TPRG1: variants seen among roughly 807,000 people sequenced by gnomAD.
The protein encoded by TPRG1 is tumor protein p63 regulated 1.
Under a neutral mutation model 29.3 loss-of-function variants are expected in TPRG1, and 29 were observed. That is an observed-to-expected ratio of 0.99 (90% CI 0.74 to 1.35). The LOEUF (loss-of-function observed/expected upper bound fraction) is 1.35. Among genes scored for constraint, TPRG1 ranks in the 40% most tolerant of loss-of-function variants. TPRG1 has a pLI of 0.00. For missense variants in TPRG1, 327 were observed against 335.0 expected (o/e 0.98, Z 0.19); for synonymous variants, 130 against 116.8 (o/e 1.11, Z -0.73).
intron 2 of TPRG1, among the ~76,000 whole-genome samples, chr3:189,212,614 T>C (rs1470679): frequency 0.68 from 102,483 of 151,804 alleles, 36,031 homozygotes; most frequent in African/African-American, 0.89. Flanking sequence ...CAATGAGATA[T>C]GATATATTCC....
chr3:189,072,065 T>C (rs1283764721), intron 4 of TPRG1, among the ~76,000 whole-genome samples: 1 of 152,182 alleles, frequency 6.6e-6, no homozygotes, highest in African/African-American at 2.4e-5. Context: ...CAGGCTGACT[T>C]GATAGTGATG....
At chr3:189,155,872 TTTAG>T (rs1726602157) in intron 5 of TPRG1, among the ~76,000 whole-genome samples, 1 of 152,180 alleles carries the variant, frequency 6.6e-6, no homozygotes, top group East Asian at 1.9e-4. Flanking sequence ...AGTACAAAGT[TTTAG>T]TTATGCAGGA....
chr3:189,203,095 A>G (rs534685218), intron 1 of TPRG1, among the ~76,000 whole-genome samples: 1 of 152,300 alleles, frequency 6.6e-6, no homozygotes, highest in East Asian at 1.9e-4. Context: ...ACTAAACAAT[A>G]ACTTTTAAGC....
intron 4 of TPRG1, among the ~76,000 whole-genome samples, chr3:189,282,186 G>A (rs1452979471): frequency 8.2e-6 from 1 of 121,256 alleles, no homozygotes; most frequent in African/African-American, 3.3e-5. Flanking sequence ...TTAACCCAGG[G>A]CAATGTCAGT....
intron 1 of TPRG1, among the ~76,000 whole-genome samples, chr3:189,175,784 A>T (rs1429806514): frequency 2.0e-5 from 3 of 152,212 alleles, no homozygotes; most frequent in Non-Finnish European, 2.9e-5. Context: ...AGACTCATTT[A>T]AAAATATGGA....
At chr3:189,195,263 ACTT>A (rs1028247548) in intron 1 of TPRG1, among the ~76,000 whole-genome samples, 17 of 152,086 alleles carry the variant, frequency 1.1e-4, no homozygotes, top group African/African-American at 4.1e-4. Flanking sequence ...GAAGGGAACT[ACTT>A]CAATTTAGAC....
chr3:189,201,084 C>T (rs6793383), intron 1 of TPRG1, among the ~76,000 whole-genome samples: 16,969 of 152,182 alleles, frequency 0.11, 2,765 homozygotes, highest in African/African-American at 0.35. Context: ...CAGAGACCCG[C>T]ACCAGACACC....
At chr3:189,294,309 G>A (rs558249669) in intron 4 of TPRG1, among the ~76,000 whole-genome samples, 2 of 152,206 alleles carry the variant, frequency 1.3e-5, no homozygotes, top group African/African-American at 4.8e-5. Context: ...AGTGGGGGAG[G>A]AAAAGCCAGT....
At chr3:189,108,331 T>A (rs2152203030) in intron 1 of TPRG1, among the ~76,000 whole-genome samples, 1 of 152,246 alleles carries the variant, frequency 6.6e-6, no homozygotes, top group South Asian at 2.1e-4. Flanking sequence ...AACATGGAGA[T>A]TCCTGGCTAG....
chr3:189,051,615 A>T (rs1471387588), intron 4 of TPRG1, among the ~76,000 whole-genome samples: 1 of 152,196 alleles, frequency 6.6e-6, no homozygotes, highest in Non-Finnish European at 1.5e-5. Context: ...ATATGGAACC[A>T]AAAAAGAGCT....
intron 4 of TPRG1, among the ~76,000 whole-genome samples, chr3:189,079,761 C>T (rs1022173465): frequency 2.6e-5 from 4 of 152,184 alleles, no homozygotes; most frequent in Admixed American, 2.6e-4. Flanking sequence ...TATTGGCTTT[C>T]TGGACATAAA....
Position 189,323,067 on chromosome 3 carries a change from A to C in TPRG1, c.*2247A>C, listed in dbSNP as rs1056776872. The C allele has an allele frequency of 1.3e-5, 2 of 152,118 alleles. No homozygotes were observed. The highest frequency in any genetic ancestry group is 1.3e-4 in the Admixed American group (2 of 15,240). 9.4% of individuals were successfully genotyped at this position (152,118 alleles called of 1,614,324 possible). A position where few individuals can be genotyped will look rare whatever the true frequency, so the allele number is the denominator to read the frequency against. ...GGAATTTGGATAGCAGTTCAAGATA[A>C]GAAAGAACTTCTTATAGTTATAAAT... On this transcript the variant is annotated 3_prime_UTR_variant, in exon 6 of 6. Transcript: ENST00000345063.
intron 4 of TPRG1, among the ~76,000 whole-genome samples, chr3:189,261,669 A>T (rs1157813570): frequency 3.0e-4 from 45 of 152,174 alleles, no homozygotes; most frequent in Admixed American, 2.9e-3. Flanking sequence ...AGCCCAAAGC[A>T]GGCTTTGGTT....
chr3:189,076,786 A>T (rs1717202513), intron 4 of TPRG1, among the ~76,000 whole-genome samples: 1 of 152,142 alleles, frequency 6.6e-6, no homozygotes, highest in African/African-American at 2.4e-5. Flanking sequence ...CACTGTTTAT[A>T]CTGGAAATGA....
chr3:189,314,272 G>A (rs1047352721), intron 5 of TPRG1, among the ~76,000 whole-genome samples: 1 of 152,128 alleles, frequency 6.6e-6, no homozygotes, highest in Non-Finnish European at 1.5e-5. Flanking sequence ...CTGAAGCTCA[G>A]TACAGAAAGC....
chr3:189,279,619 TATA>T (rs1716759775), intron 4 of TPRG1, among the ~76,000 whole-genome samples: 1 of 152,206 alleles, frequency 6.6e-6, no homozygotes, highest in Admixed American at 6.6e-5. Flanking sequence ...AGATGATGTA[TATA>T]AAGTATTTAG....
At chr3:189,214,137 T>C (rs1735682765) in intron 2 of TPRG1, among the ~76,000 whole-genome samples, 1 of 152,216 alleles carries the variant, frequency 6.6e-6, no homozygotes, top group African/African-American at 2.4e-5. Flanking sequence ...AATAAGGTTT[T>C]AAAAATTCTA....
chr3:189,079,155 G>A (rs1717419825), intron 4 of TPRG1, among the ~76,000 whole-genome samples: 1 of 152,032 alleles, frequency 6.6e-6, no homozygotes. Flanking sequence ...AGAGGAGGAA[G>A]GTGCCAGCCT....
intron 4 of TPRG1, among the ~76,000 whole-genome samples, chr3:189,029,377 A>G (rs1713822952): frequency 6.6e-6 from 1 of 152,212 alleles, no homozygotes; most frequent in Non-Finnish European, 1.5e-5. Flanking sequence ...GTTATAAAAC[A>G]TTCCATGTAA....
Sources: gnomAD v4.1 joint callset for allele counts (sites outside exome capture counted in the v4.1 genomes callset) on GRCh38, gnomAD v4.1.1 for gene constraint, MANE v1.5 for transcripts, NCBI Gene and HGNC (gene_info 2026-07-23, HGNC 2026-07-21) for gene names.